JAZF1: variants seen among roughly 807,000 people sequenced by gnomAD.
JAZF1 encodes JAZF zinc finger 1, also known as juxtaposed with another zinc finger protein 1.
A neutral mutation model predicts 26.4 loss-of-function variants in JAZF1; 8 were observed. That is an observed-to-expected ratio of 0.30 (90% CI 0.18 to 0.55). JAZF1 has a LOEUF of 0.55. Among genes scored for constraint, JAZF1 ranks in the 20% least tolerant of loss-of-function variants. The pLI is 0.94. For missense variants in JAZF1, 199 were observed against 322.0 expected (o/e 0.62, Z 2.92); for synonymous variants, 126 against 122.3 (o/e 1.03, Z -0.20).
chr7:28,061,170 T>A (rs1783791032), intron 1 of JAZF1, among the ~76,000 whole-genome samples: 1 of 152,230 alleles, frequency 6.6e-6, no homozygotes, highest in Non-Finnish European at 1.5e-5. Flanking sequence ...AGTAAAGCAC[T>A]TAGAATACGG....
chr7:28,147,753 A>G (rs1783050424), intron 1 of JAZF1, among the ~76,000 whole-genome samples: 1 of 151,624 alleles, frequency 6.6e-6, no homozygotes, highest in Admixed American at 6.6e-5. Context: ...GTGTTGACAC[A>G]TACCTGTAGT....
intron 1 of JAZF1, among the ~76,000 whole-genome samples, chr7:27,994,412 G>A (rs1785969448): frequency 6.9e-6 from 1 of 145,776 alleles, no homozygotes; most frequent in Non-Finnish European, 1.5e-5. Context: ...CAGACTTCTG[G>A]AAGCTTCCAA....
At chr7:27,908,161 T>C (rs1200812556) in intron 2 of JAZF1, among the ~76,000 whole-genome samples, 2 of 152,224 alleles carry the variant, frequency 1.3e-5, no homozygotes. Flanking sequence ...CATATTCAGA[T>C]AACAGCATCT....
At chr7:27,888,231 G>A (rs1783903302) in intron 3 of JAZF1, among the ~76,000 whole-genome samples, 1 of 152,146 alleles carries the variant, frequency 6.6e-6, no homozygotes, top group Admixed American at 6.5e-5. Context: ...CACAGCCTCA[G>A]GAATTCATAT....
intron 1 of JAZF1, among the ~76,000 whole-genome samples, chr7:28,134,697 C>T (rs987206142): frequency 6.6e-6 from 1 of 151,924 alleles, no homozygotes; most frequent in Non-Finnish European, 1.5e-5. Flanking sequence ...TCAATTAGAA[C>T]CCAGTCTAAG....
intron 1 of JAZF1, among the ~76,000 whole-genome samples, chr7:28,114,978 T>C (rs1008577716): frequency 6.6e-6 from 1 of 152,096 alleles, no homozygotes; most frequent in African/African-American, 2.4e-5. Context: ...GAAGCAGCGT[T>C]TGTATGTGCA....
chr7:28,152,017 A>G (rs1783118171), intron 1 of JAZF1, among the ~76,000 whole-genome samples: 1 of 152,188 alleles, frequency 6.6e-6, no homozygotes, highest in Admixed American at 6.5e-5. Flanking sequence ...AGATTTCCCA[A>G]ATCAAACCAG....
At chr7:28,146,584 A>G (rs1457840796) in intron 1 of JAZF1, among the ~76,000 whole-genome samples, 1 of 152,248 alleles carries the variant, frequency 6.6e-6, no homozygotes, top group Non-Finnish European at 1.5e-5. Context: ...CAGAGTGATC[A>G]TTATCAACAG....
chr7:27,859,450 A>C (rs372786456), intron 3 of JAZF1, among the ~76,000 whole-genome samples: 22 of 152,384 alleles, frequency 1.4e-4, no homozygotes, highest in African/African-American at 4.6e-4. Flanking sequence ...CCCTGTTTAC[A>C]ACAGCAAAGA....
chr7:28,175,983 T>C (rs1407338802), intron 1 of JAZF1, among the ~76,000 whole-genome samples: 2 of 152,230 alleles, frequency 1.3e-5, no homozygotes, highest in Non-Finnish European at 2.9e-5. Flanking sequence ...ACAGTTTTGA[T>C]AGTAAGTGCC....
At chr7:27,930,047 G>T (rs1784663936) in intron 2 of JAZF1, among the ~76,000 whole-genome samples, 1 of 151,254 alleles carries the variant, frequency 6.6e-6, no homozygotes, top group Non-Finnish European at 1.5e-5. Context: ...CCAGGCTGGA[G>T]TCCAGTGGTG....
At chr7:28,142,177 G>A (rs1027768167) in intron 1 of JAZF1, among the ~76,000 whole-genome samples, 7 of 152,068 alleles carry the variant, frequency 4.6e-5, no homozygotes, top group Non-Finnish European at 8.8e-5. Flanking sequence ...ACAGAATTTC[G>A]TAAATGCTAC....
intron 1 of JAZF1, among the ~76,000 whole-genome samples, chr7:28,000,040 C>A (rs996915852): frequency 6.6e-6 from 1 of 152,018 alleles, no homozygotes; most frequent in African/African-American, 2.4e-5. Context: ...GTGAGCGTAG[C>A]GAATCATTCA....
At chr7:27,962,110 A>C (rs752681633) in intron 2 of JAZF1, among the ~76,000 whole-genome samples, 1 of 152,206 alleles carries the variant, frequency 6.6e-6, no homozygotes, top group Non-Finnish European at 1.5e-5. Flanking sequence ...TTTGATGTGA[A>C]TTCTTGAGAG....
At chr7:27,973,087 G>A (rs1046567509) in intron 2 of JAZF1, among the ~76,000 whole-genome samples, 2 of 152,050 alleles carry the variant, frequency 1.3e-5, no homozygotes, top group African/African-American at 4.8e-5. Flanking sequence ...CCGCCACAAC[G>A]TTAACATTTG....
At chr7:28,094,244 C>A (rs1196260493) in intron 1 of JAZF1, among the ~76,000 whole-genome samples, 1 of 152,158 alleles carries the variant, frequency 6.6e-6, no homozygotes, top group South Asian at 2.1e-4. Context: ...AAAAGTAAAT[C>A]GTTGTCTGCC....
chr7:27,846,290 G>T (rs1445374982), intron 3 of JAZF1, among the ~76,000 whole-genome samples: 1 of 151,622 alleles, frequency 6.6e-6, no homozygotes, highest in Non-Finnish European at 1.5e-5. Flanking sequence ...TCTCCTTTTT[G>T]TAAGGCTGAA....
At chr7:28,022,178 A>G (rs1783017424) in intron 1 of JAZF1, among the ~76,000 whole-genome samples, 1 of 152,254 alleles carries the variant, frequency 6.6e-6, no homozygotes, top group African/African-American at 2.4e-5. Flanking sequence ...GCATTGAACA[A>G]TATCGTCACA....
At chr7:28,092,538 T>C (rs1205888339) in intron 1 of JAZF1, among the ~76,000 whole-genome samples, 3 of 151,942 alleles carry the variant, frequency 2.0e-5, no homozygotes, top group Middle Eastern at 3.2e-3. Context: ...AACTACTTCA[T>C]AGAACTGCTT....
Sources: allele counts gnomAD v4.1 joint callset (sites outside exome capture counted in the v4.1 genomes callset), GRCh38; gene constraint gnomAD v4.1.1; transcripts MANE v1.5; gene names NCBI Gene and HGNC (gene_info 2026-07-23, HGNC 2026-07-21).